The following ISOC1 variants were observed in gnomAD, a reference collection of about 807,000 sequenced individuals.
ISOC1 encodes the protein isochorismatase domain containing 1.
In ISOC1, 33 loss-of-function variants were observed where a neutral mutation model predicts 30.0. That is an observed-to-expected ratio of 1.10 (90% confidence interval 0.83 to 1.47). The LOEUF (loss-of-function observed/expected upper bound fraction) is 1.47. Among genes scored for constraint, ISOC1 ranks in the 40% most tolerant of loss-of-function variants. The probability of loss-of-function intolerance (pLI) is 0.00; values close to 1 mark genes in which losing one functional copy is unlikely to be tolerated. For missense variants in ISOC1, 372 were observed against 388.0 expected (o/e 0.96, Z 0.35); for synonymous variants, 178 against 159.8 (o/e 1.11, Z -0.86).
chr5:129,097,015 T>C (rs1389417073), intron 1 of ISOC1, among the ~76,000 whole-genome samples: 2 of 152,196 alleles, frequency 1.3e-5, no homozygotes, highest in Admixed American at 1.3e-4. Context: ...TGGTCACCTG[T>C]AGCTTTTGCA....
At chr5:129,095,683 G>A (rs1341927977) in intron 1 of ISOC1, among the ~76,000 whole-genome samples, 1 of 152,100 alleles carries the variant, frequency 6.6e-6, no homozygotes, top group African/African-American at 2.4e-5. Context: ...ACGTTTTGTC[G>A]TCTGCATTGA....
intron 1 of ISOC1, among the ~76,000 whole-genome samples, chr5:129,104,561 A>G (rs1304239051): frequency 6.6e-6 from 1 of 152,132 alleles, no homozygotes; most frequent in African/African-American, 2.4e-5. Context: ...TTTTATTCAT[A>G]TTTTTACATT....
chr5:129,095,089 G>A lies in ISOC1; in HGVS notation c.309+14G>A. ...TTGCAGATCCAGGTGGGTCCTGCGG[G>A]AGGCCGCGCGCTTCCCTGTTCCCGA... On this transcript the variant is annotated intron_variant, in intron 1 of 4. Transcript: ENST00000173527. 6.5e-7 allele frequency: 1 copy of A among 1,533,266 alleles called. No individual in the cohort carries two copies. Among genetic ancestry groups the A allele is most frequent in the East Asian group, 2.4e-5 (1 of 40,954 alleles). The allele number at this position is 1,533,266 out of a possible 1,614,324, so 95.0% of individuals were successfully genotyped here. A position where few individuals can be genotyped will look rare whatever the true frequency, so the allele number is the denominator to read the frequency against.
chr5:129,113,109 A>G lies in ISOC1; in HGVS notation c.*108A>G. The G allele has an allele frequency of 9.3e-7, 1 of 1,077,562 alleles. No individual in the cohort carries two copies. The highest frequency in any genetic ancestry group is 2.1e-5 in the South Asian group (1 of 46,560). The allele number at this position is 1,077,562 out of a possible 1,614,324, so 66.8% of individuals were successfully genotyped here. ...TCTACTAGAATTAAAATGTTAAGTC[A>G]AAAACGGCTCCTTTTTTGCGCCTCC... On this transcript the variant is annotated 3_prime_UTR_variant, in exon 5 of 5. Coordinates refer to ENST00000173527, the MANE Select transcript of ISOC1 (RefSeq NM_016048.2).
chr5:129,099,060 A>G (rs10478830), intron 1 of ISOC1, among the ~76,000 whole-genome samples: 6,919 of 152,120 alleles, frequency 0.045, 535 homozygotes, highest in African/African-American at 0.16. Flanking sequence ...TCTCTACCCC[A>G]TTGGTTTGAT....
At position 129,113,229 on chromosome 5, in the gene ISOC1, G is replaced by A. The variant is rs1580791591; in HGVS notation, c.*228G>A. The A allele has an allele frequency of 2.6e-6, 1 of 385,902 alleles. No individual in the cohort carries two copies. The allele number at this position is 385,902 out of a possible 1,614,324, so 23.9% of individuals were successfully genotyped here. ...CTGCTTACCTTCCTTTTTTGTTAAT[G>A]TGCTTTTATTTATTAAAAAAAATTA... On this transcript the variant is annotated 3_prime_UTR_variant, in exon 5 of 5. Transcript: ENST00000173527.
chr5:129,095,122 C>T (rs1488874574), intron 1 of ISOC1, 47 bp downstream of exon 1: 2 of 1,476,880 alleles, frequency 1.4e-6, no homozygotes, highest in East Asian at 2.5e-5. Flanking sequence ...CGAGTCGTCC[C>T]CGTCCCCGTC....
At position 129,113,072 on chromosome 5, in the gene ISOC1, G is replaced by A; in HGVS notation, c.*71G>A. 3 of 1,410,896 alleles carry A rather than the reference G, an allele frequency of 2.1e-6. No homozygotes were observed. The highest frequency in any genetic ancestry group is 1.9e-4 in the Middle Eastern group (1 of 5,220). The allele number at this position is 1,410,896 out of a possible 1,614,324, so 87.4% of individuals were successfully genotyped here. A position where few individuals can be genotyped will look rare whatever the true frequency, so the allele number is the denominator to read the frequency against. ...GGTGAAGGACTGTAAGCCCACACAAGCTCTTCTTATCTCTACTAGAATTAA... is the reference window on the plus strand; with the variant it reads ...GGTGAAGGACTGTAAGCCCACACAAACTCTTCTTATCTCTACTAGAATTAA... On this transcript the variant is annotated 3_prime_UTR_variant, in exon 5 of 5. Coordinates refer to ENST00000173527, the MANE Select transcript of ISOC1 (RefSeq NM_016048.2).
At chr5:129,098,188 C>A (rs558926310) in intron 1 of ISOC1, among the ~76,000 whole-genome samples, 2 of 152,300 alleles carry the variant, frequency 1.3e-5, no homozygotes, top group South Asian at 4.1e-4. Context: ...CTGCCTTTGC[C>A]ACACTGCACC....
At chr5:129,096,827 G>C (rs968984652) in intron 1 of ISOC1, among the ~76,000 whole-genome samples, 8 of 152,142 alleles carry the variant, frequency 5.3e-5, no homozygotes, top group African/African-American at 1.9e-4. Context: ...TCTTATCTAA[G>C]ATAATGCTAT....
chr5:129,099,073 G>A (rs1427811975), intron 1 of ISOC1, among the ~76,000 whole-genome samples: 2 of 152,012 alleles, frequency 1.3e-5, no homozygotes, highest in South Asian at 2.1e-4. Flanking sequence ...GGTTTGATGT[G>A]TGTCACTTAA....
At chr5:129,103,528 A>G (rs975615440) in intron 1 of ISOC1, among the ~76,000 whole-genome samples, 1 of 152,210 alleles carries the variant, frequency 6.6e-6, no homozygotes, top group African/African-American at 2.4e-5. Flanking sequence ...ATACACATCT[A>G]TAGAGTCAGT....
At position 129,112,972 on chromosome 5, in the gene ISOC1, C is replaced by G; in HGVS notation, c.868C>G (p.Pro290Ala). The part of the protein sequence containing the change: ...EIQNLIKASA[P>A]ESGLLSKV The stretch of plus-strand genomic sequence containing the variant: ...TCAGAATCTAATTAAGGCGAGTGCT[C>G]CAGAGTCGGGTCTGCTTTCCAAAGT... The change falls in exon 5 of 5, where the codon CCA becomes GCA. Residue 290 changes from proline (P) to alanine (A), a missense_variant. Pro to Ala is a conservative substitution (Grantham distance 27). Coordinates refer to ENST00000173527, the MANE Select transcript of ISOC1 (RefSeq NM_016048.2). The G allele has an allele frequency of 1.2e-6, 2 of 1,613,522 alleles. No homozygotes were observed. The highest frequency in any genetic ancestry group is 3.3e-5 in the Admixed American group (2 of 59,972).
At chr5:129,099,871 T>C (rs1753549293) in intron 1 of ISOC1, among the ~76,000 whole-genome samples, 1 of 152,252 alleles carries the variant, frequency 6.6e-6, no homozygotes, top group Non-Finnish European at 1.5e-5. Context: ...TTTTTCTTGC[T>C]GTGTTACAGA....
Position 129,113,000 on chromosome 5 carries a change from A to G in ISOC1, c.896A>G (p.Ter299TrpextTer3), listed in dbSNP as rs1275864220. The change falls in exon 5 of 5, where the codon TAG becomes TGG. Residue 299 changes from the stop codon to tryptophan (W), a stop_lost. Coordinates refer to ENST00000173527, the MANE Select transcript of ISOC1 (RefSeq NM_016048.2). ...GAGTCGGGTCTGCTTTCCAAAGTATAGGACATTTGAAGAACTGGTATGCTA... is the reference window on the plus strand; with the variant it reads ...GAGTCGGGTCTGCTTTCCAAAGTATGGGACATTTGAAGAACTGGTATGCTA... ...APESGLLSKV[*>W] 2 of 1,611,000 alleles carry G rather than the reference A, an allele frequency of 1.2e-6. No individual in the cohort carries two copies. Among genetic ancestry groups the G allele is most frequent in the Non-Finnish European group, 1.7e-6 (2 of 1,178,434 alleles).
chr5:129,110,512 A>T lies in ISOC1; in HGVS notation c.751-2343A>T, dbSNP rs576120002. Among the ~76,000 whole-genome samples the T allele has an allele frequency of 5.4e-4, 82 of 152,330 alleles. 1 individual carries two copies. Among genetic ancestry groups the T allele is most frequent in the Middle Eastern group, 3.4e-3 (1 of 294 alleles). On this transcript the variant is annotated intron_variant, in intron 4 of 4. Transcript: ENST00000173527. Reference sequence around the variant, plus strand: ...ATTTGCTAAGCTACACCTTTCCCTAACACAGGTTCCTGGCTAGATGATTTT... The same window carrying T: ...ATTTGCTAAGCTACACCTTTCCCTATCACAGGTTCCTGGCTAGATGATTTT...
chr5:129,104,269 TTGA>T (rs1328011901), intron 1 of ISOC1, among the ~76,000 whole-genome samples: 2 of 152,158 alleles, frequency 1.3e-5, no homozygotes, highest in Non-Finnish European at 2.9e-5. Context: ...TATTTCTGTC[TTGA>T]TGATAGCAGT....
intron 4 of ISOC1, among the ~76,000 whole-genome samples, chr5:129,109,763 G>A (rs1260353676): frequency 1.3e-5 from 2 of 152,194 alleles, no homozygotes; most frequent in African/African-American, 2.4e-5. Flanking sequence ...AGGGGGCAAT[G>A]TTAAGTGTTC....
intron 1 of ISOC1, among the ~76,000 whole-genome samples, chr5:129,095,969 A>T (rs1753495424): frequency 6.6e-6 from 1 of 152,238 alleles, no homozygotes; most frequent in Non-Finnish European, 1.5e-5. Flanking sequence ...TTAGCTGAGA[A>T]ACTGATAAGT....
Sources: allele counts gnomAD v4.1 joint callset (sites outside exome capture counted in the v4.1 genomes callset), GRCh38; gene constraint gnomAD v4.1.1; transcripts MANE v1.5; gene names NCBI Gene and HGNC (gene_info 2026-07-23, HGNC 2026-07-21).